Variants in SOX13 observed in about 807,000 individuals in gnomAD.
The protein encoded by SOX13 is transcription factor SOX-13.
Under a neutral mutation model 71.8 loss-of-function variants are expected in SOX13, and 28 were observed. The observed-to-expected ratio is 0.39, with a 90% CI of 0.29 to 0.53. The LOEUF is 0.53. Among genes scored for constraint, SOX13 ranks in the 20% least tolerant of loss-of-function variants. SOX13 has a pLI of 0.70. For synonymous variants in SOX13, 309 were observed against 317.8 expected (o/e 0.97, Z 0.29); for missense variants, 627 against 810.3 (o/e 0.77, Z 2.75).
rs796977385 is a variant in SOX13 at position 204,096,209 on chromosome 1, T to TTTTTC, written c.-1-16691_-1-16687dup. On this transcript the variant is annotated intron_variant, in intron 1 of 13. Coordinates refer to ENST00000367204, the MANE Select transcript of SOX13 (RefSeq NM_005686.3). ...AATTTCTTGAGGACCCGCCATCATA[T>TTTTTC]TTTTCTTTTCTTTTCTTTTTCTTTC... Among the ~76,000 whole-genome samples, 227 of 151,046 alleles carry TTTTTC rather than the reference T, an allele frequency of 1.5e-3. 1 individual carries two copies. Among genetic ancestry groups the TTTTTC allele is most frequent in the Admixed American group, 2.5e-3 (38 of 15,000 alleles).
chr1:204,125,331 G>T (rs1448713263), intron 13 of SOX13, among the ~76,000 whole-genome samples: 10 of 152,192 alleles, frequency 6.6e-5, no homozygotes, highest in Admixed American at 1.3e-4. Flanking sequence ...TTGGGAGGCT[G>T]AGGCAGGAGG....
intron 1 of SOX13, among the ~76,000 whole-genome samples, chr1:204,077,328 G>T (rs572043697): frequency 1.3e-5 from 2 of 152,208 alleles, no homozygotes; most frequent in Admixed American, 1.3e-4. Context: ...TTAAGTGGGG[G>T]AGTGACATGA....
intron 1 of SOX13, among the ~76,000 whole-genome samples, chr1:204,074,558 C>G (rs995536734): frequency 6.6e-6 from 1 of 152,194 alleles, no homozygotes; most frequent in Non-Finnish European, 1.5e-5. Context: ...TGCGCCGGCT[C>G]TGGCTGCTTC....
intron 1 of SOX13, among the ~76,000 whole-genome samples, chr1:204,101,006 T>G (rs1396107354): frequency 1.3e-5 from 2 of 152,232 alleles, no homozygotes; most frequent in African/African-American, 4.8e-5. Flanking sequence ...AGGGAGCCCC[T>G]AGACCTTCTG....
At chr1:204,116,465 C>T (rs753964707) in intron 4 of SOX13, 42 bp from the exon 5 acceptor site, 3 of 1,612,718 alleles carry the variant, frequency 1.9e-6, no homozygotes, top group African/African-American at 1.3e-5. Flanking sequence ...TATAGATGAA[C>T]AAGTAAAAAG....
At chr1:204,096,256 T>G (rs1419409841) in intron 1 of SOX13, among the ~76,000 whole-genome samples, 2 of 146,230 alleles carry the variant, frequency 1.4e-5, no homozygotes, top group Non-Finnish European at 3.0e-5. Context: ...TTTTTTTTTT[T>G]TGCGACAGGG....
chr1:204,088,580 G>A (rs1305626522), intron 1 of SOX13, among the ~76,000 whole-genome samples: 1 of 152,142 alleles, frequency 6.6e-6, no homozygotes, highest in African/African-American at 2.4e-5. Flanking sequence ...ACCTGTCTGT[G>A]CCTTCTCACT....
intron 2 of SOX13, 27 bp downstream of exon 2, chr1:204,113,161 C>T: frequency 6.7e-7 from 1 of 1,498,730 alleles, no homozygotes; most frequent in Non-Finnish European, 9.0e-7. Flanking sequence ...TGCCTCCATC[C>T]TCACACCCAT....
chr1:204,089,609 C>G (rs12125543), intron 1 of SOX13, among the ~76,000 whole-genome samples: 43,017 of 152,182 alleles, frequency 0.28, 7,101 homozygotes, highest in South Asian at 0.43. Flanking sequence ...AAAACAACCC[C>G]CTCTCTGCAA....
chr1:204,109,501 G>A lies in SOX13; in HGVS notation c.-1-3414G>A, dbSNP rs559796999. Among the ~76,000 whole-genome samples, 321 of 152,240 alleles carry A rather than the reference G, an allele frequency of 2.1e-3. 2 individuals are homozygous for A. Among genetic ancestry groups the A allele is most frequent in the African/African-American group, 7.3e-3 (303 of 41,558 alleles). ...ATTCAGTACAATAACATGCTGTACA[G>A]GTTTGTAGCCTAGGAGAAATAGGCT... On this transcript the variant is annotated intron_variant, in intron 1 of 13. Coordinates refer to ENST00000367204, the MANE Select transcript of SOX13 (RefSeq NM_005686.3).
chr1:204,125,877 C>A lies in SOX13; in HGVS notation c.1612C>A (p.Gln538Lys). The A allele has an allele frequency of 6.2e-7, 1 of 1,611,880 alleles. No individual in the cohort carries two copies. Among genetic ancestry groups the A allele is most frequent in the Non-Finnish European group, 8.5e-7 (1 of 1,179,554 alleles). ...YVIPPQAGQV[Q>K]MSSSDVLYPR... Reference sequence around the variant, plus strand: ...CCACAGCCCGCAGGCTGGCCAGGTGCAGATGAGCTCCTCAGATGTCCTGTA... The same window carrying A: ...CCACAGCCCGCAGGCTGGCCAGGTGAAGATGAGCTCCTCAGATGTCCTGTA... Residue 538 changes from glutamine (Q) to lysine (K), a missense_variant, in exon 14 of 14, where the codon CAG becomes AAG. Physicochemically the swap from Gln to Lys is moderately conservative, Grantham distance 53 (BLOSUM62 1). This residue lies in a region of SOX13 where 148 missense variants were observed against 192.7 expected (regional missense o/e 0.77). Coordinates refer to ENST00000367204, the MANE Select transcript of SOX13 (RefSeq NM_005686.3).
At chr1:204,099,849 C>T (rs566514493) in intron 1 of SOX13, among the ~76,000 whole-genome samples, 3 of 152,254 alleles carry the variant, frequency 2.0e-5, no homozygotes, top group South Asian at 2.1e-4. Context: ...GCTCAATAAA[C>T]GTTAGCCATA....
At position 204,078,762 on chromosome 1, in the gene SOX13, C is replaced by G. The variant is rs535951068; in HGVS notation, c.-2+5051C>G. ...GTGGTCTTTGCCTCGGTGACTACCCCCCTTTTGACTGGCCCTTCCTTAGTT... is the reference window on the plus strand; with the variant it reads ...GTGGTCTTTGCCTCGGTGACTACCCGCCTTTTGACTGGCCCTTCCTTAGTT... On this transcript the variant is annotated intron_variant, in intron 1 of 13. Coordinates refer to ENST00000367204, the MANE Select transcript of SOX13 (RefSeq NM_005686.3). 4.6e-5 allele frequency among the ~76,000 whole-genome samples: 7 copies of G among 152,312 alleles called. No individual in the cohort carries two copies. In the South Asian group the frequency reaches 1.0e-3, roughly 23 times the overall value.
At chr1:204,085,002 G>A (rs1222760567) in intron 1 of SOX13, among the ~76,000 whole-genome samples, 1 of 152,138 alleles carries the variant, frequency 6.6e-6, no homozygotes, top group African/African-American at 2.4e-5. Context: ...TGGAGATTTG[G>A]GGAAGAAAGA....
chr1:204,085,935 C>A (rs1421403341), intron 1 of SOX13, among the ~76,000 whole-genome samples: 10 of 149,954 alleles, frequency 6.7e-5, no homozygotes, highest in Admixed American at 6.0e-4. Flanking sequence ...TGCCACTGCA[C>A]TTCAGCCTGG....
rs567582785 is a variant in SOX13, at chr1:204,095,698, A to G, written c.-1-17217A>G. On this transcript the variant is annotated intron_variant, in intron 1 of 13. Transcript: ENST00000367204. ...AAGTAGACATAATGTAAAATTTACA[A>G]TTTGTAAATGTGTAGTTCAGAGGCA... Among the ~76,000 whole-genome samples, 3 of 152,336 alleles carry G rather than the reference A, an allele frequency of 2.0e-5. No homozygotes were observed. The East Asian group carries it at 5.8e-4, about 29-fold the overall frequency.
Position 204,122,923 on chromosome 1 carries a change from G to A in SOX13, c.1094G>A (p.Ser365Asn), listed in dbSNP as rs1656839537. Reference protein sequence around the residue: ...QDARQLLHSHSGALDGSPNTP... With the variant: ...QDARQLLHSHNGALDGSPNTP... ...GCTCGGCAGCTGCTGCACAGCCACAGTGGGGCCTTGGATGGCTCCCCCAAC... is the reference window on the plus strand; with the variant it reads ...GCTCGGCAGCTGCTGCACAGCCACAATGGGGCCTTGGATGGCTCCCCCAAC... Residue 365 changes from serine (S) to asparagine (N), a missense_variant, in exon 10 of 14, where the codon AGT (serine) becomes AAT (asparagine). By Grantham distance (46) the Ser-to-Asn change is conservative (BLOSUM62 1). Coordinates refer to ENST00000367204, the MANE Select transcript of SOX13 (RefSeq NM_005686.3). 1.3e-6 allele frequency: 2 copies of A among 1,591,398 alleles called. No homozygotes were observed. The highest frequency in any genetic ancestry group is 1.8e-5 in the Admixed American group (1 of 57,114).
At chr1:204,113,793 G>A (rs1353106268) in intron 2 of SOX13, among the ~76,000 whole-genome samples, 1 of 152,158 alleles carries the variant, frequency 6.6e-6, no homozygotes, top group East Asian at 1.9e-4. Context: ...GGCCTTAAAG[G>A]ATGGGGAGGA....
intron 4 of SOX13, among the ~76,000 whole-genome samples, chr1:204,115,657 C>CTTTTTTTTTTTTTTTTTTTTTTT (rs771014997): frequency 1.7e-5 from 1 of 57,382 alleles, no homozygotes; most frequent in Non-Finnish European, 3.0e-5. Flanking sequence ...GCTTCTTCTT[C>CTTTTTTTTTTTTTTTTTTTTTTT]TTTTTTTTTT....
Sources: allele counts gnomAD v4.1 joint callset (sites outside exome capture counted in the v4.1 genomes callset), GRCh38; gene constraint gnomAD v4.1.1; regional missense constraint gnomAD v4.1.1; transcripts MANE v1.5; gene names NCBI Gene and HGNC (gene_info 2026-07-23, HGNC 2026-07-21).